TUT4: variants seen among roughly 807,000 people sequenced by gnomAD.
TUT4 encodes the protein terminal uridylyltransferase 4.
Under a neutral mutation model 192.2 loss-of-function variants are expected in TUT4, and 36 were observed. That is an observed-to-expected ratio of 0.19 (90% CI 0.14 to 0.25). TUT4 has a LOEUF of 0.25. Ranked by LOEUF, TUT4 falls within the 10% of genes least tolerant of loss-of-function variation. The pLI, the probability that TUT4 is intolerant of heterozygous loss-of-function variation, is 1.00. For missense variants in TUT4, 1,493 were observed against 1,957.2 expected (o/e 0.76, Z 4.47); for synonymous variants, 618 against 666.0 (o/e 0.93, Z 1.11).
chr1:52,530,513 T>C (rs1050959528), intron 1 of TUT4, among the ~76,000 whole-genome samples: 2 of 152,212 alleles, frequency 1.3e-5, no homozygotes, highest in Admixed American at 6.5e-5. Flanking sequence ...TTTGTAAAAG[T>C]ACAATTAAGT....
chr1:52,462,884 G>GT, intron 16 of TUT4: 1 of 985,168 alleles, frequency 1.0e-6, no homozygotes, highest in Non-Finnish European at 1.2e-6. Flanking sequence ...TAGCTGAAGG[G>GT]TATAAACATC....
At chr1:52,493,208 C>T (rs1671619993) in intron 7 of TUT4, among the ~76,000 whole-genome samples, 1 of 152,122 alleles carries the variant, frequency 6.6e-6, no homozygotes, top group Non-Finnish European at 1.5e-5. Context: ...CTCAGTCTCC[C>T]GAGTAGCTGG....
chr1:52,435,482 CAAAG>C lies in TUT4; in HGVS notation c.4163-21_4163-18del. 2 of 1,591,790 alleles carry C rather than the reference CAAAG, an allele frequency of 1.3e-6. No homozygotes were observed. The highest frequency in any genetic ancestry group is 1.7e-6 in the Non-Finnish European group (2 of 1,160,194). On this transcript the variant is annotated intron_variant, in intron 26 of 29. Coordinates refer to ENST00000257177, the MANE Select transcript of TUT4 (RefSeq NM_001009881.3). Reference sequence around the variant, plus strand: ...GCTGGGCTGCTAAGAGAAGGCATCACAAAGAAAATCAACAGATAAGGAAAGTAGC... The same window carrying C: ...GCTGGGCTGCTAAGAGAAGGCATCACAAAATCAACAGATAAGGAAAGTAGC...
intron 26 of TUT4, among the ~76,000 whole-genome samples, chr1:52,436,320 TAC>T (rs1653776966): frequency 6.6e-6 from 1 of 152,098 alleles, no homozygotes; most frequent in Non-Finnish European, 1.5e-5. Flanking sequence ...ACCATGTCTC[TAC>T]TAAAAGTCTA....
At chr1:52,496,018 A>C (rs1672355525) in intron 5 of TUT4, among the ~76,000 whole-genome samples, 1 of 152,140 alleles carries the variant, frequency 6.6e-6, no homozygotes, top group Non-Finnish European at 1.5e-5. Flanking sequence ...TTTATAGAAA[A>C]AAAAGAAAAG....
At chr1:52,454,886 T>C (rs773352126) in intron 20 of TUT4, among the ~76,000 whole-genome samples, 1 of 152,066 alleles carries the variant, frequency 6.6e-6, no homozygotes, top group Non-Finnish European at 1.5e-5. Context: ...AAATAACCTG[T>C]TTAAAAAAAT....
chr1:52,513,176 G>A (rs1221425756), intron 3 of TUT4, among the ~76,000 whole-genome samples: 1 of 148,572 alleles, frequency 6.7e-6, no homozygotes, highest in Non-Finnish European at 1.5e-5. Flanking sequence ...GCTCACACCT[G>A]TAAACTCAGC....
chr1:52,445,363 T>A (rs895127637), intron 24 of TUT4, among the ~76,000 whole-genome samples: 1 of 152,172 alleles, frequency 6.6e-6, no homozygotes, highest in Admixed American at 6.5e-5. Context: ...TTCGGTTTTG[T>A]CTTCTATGTG....
chr1:52,496,511 C>G (rs1422152520), intron 5 of TUT4, among the ~76,000 whole-genome samples: 1 of 151,966 alleles, frequency 6.6e-6, no homozygotes, highest in African/African-American at 2.4e-5. Flanking sequence ...TACTTTAACC[C>G]TATACTGATG....
intron 1 of TUT4, among the ~76,000 whole-genome samples, chr1:52,536,395 A>T (rs185384112): frequency 4.4e-4 from 67 of 152,312 alleles, no homozygotes; most frequent in African/African-American, 1.5e-3. Flanking sequence ...CAAAATCAAA[A>T]CAGGATTATA....
At chr1:52,486,563 G>A (rs1206116413) in intron 9 of TUT4, among the ~76,000 whole-genome samples, 2 of 151,758 alleles carry the variant, frequency 1.3e-5, no homozygotes, top group African/African-American at 4.8e-5. Flanking sequence ...GAAAAACAAA[G>A]CTATTTTAAA....
intron 1 of TUT4, among the ~76,000 whole-genome samples, chr1:52,547,717 T>C (rs1007864677): frequency 5.3e-5 from 8 of 152,160 alleles, no homozygotes; most frequent in Non-Finnish European, 1.2e-4. Context: ...CATGCTACAC[T>C]ATGGCCAACC....
chr1:52,435,586 A>C, intron 26 of TUT4, 121 bp from the exon 27 acceptor site: 2 of 753,996 alleles, frequency 2.7e-6, no homozygotes, highest in Non-Finnish European at 4.3e-6. Flanking sequence ...ATAAACTTGG[A>C]CTTTTAAACC....
intron 24 of TUT4, among the ~76,000 whole-genome samples, chr1:52,443,453 G>A (rs1270074009): frequency 6.6e-6 from 1 of 151,726 alleles, no homozygotes; most frequent in Non-Finnish European, 1.5e-5. Flanking sequence ...GCCAGGTGTG[G>A]TGGCGCGTGC....
At chr1:52,429,894 G>A (rs1570120187) in intron 28 of TUT4, among the ~76,000 whole-genome samples, 2 of 152,090 alleles carry the variant, frequency 1.3e-5, no homozygotes, top group East Asian at 3.9e-4. Flanking sequence ...GTGCCGGCCT[G>A]TGTATGTTTA....
At chr1:52,518,442 C>T (rs369245307) in intron 2 of TUT4, among the ~76,000 whole-genome samples, 1 of 152,194 alleles carries the variant, frequency 6.6e-6, no homozygotes, top group Non-Finnish European at 1.5e-5. Context: ...GTTCACATGG[C>T]CTTTCCTTAT....
chr1:52,430,093 A>C (rs995001416), intron 28 of TUT4, among the ~76,000 whole-genome samples: 1 of 152,048 alleles, frequency 6.6e-6, no homozygotes, highest in Non-Finnish European at 1.5e-5. Context: ...AGGAATTGAG[A>C]TGATAGATGA....
intron 9 of TUT4, among the ~76,000 whole-genome samples, chr1:52,484,489 C>T (rs913206845): frequency 3.3e-5 from 5 of 152,174 alleles, no homozygotes; most frequent in East Asian, 1.9e-4. Context: ...GACAACTATA[C>T]ACCTTCTAGG....
chr1:52,479,451 T>C (rs1457117445), intron 11 of TUT4, among the ~76,000 whole-genome samples: 2 of 151,802 alleles, frequency 1.3e-5, no homozygotes, highest in East Asian at 1.9e-4. Context: ...AAGGTAACAG[T>C]GGAGGTAGTG....
Sources: allele counts gnomAD v4.1 joint callset (sites outside exome capture counted in the v4.1 genomes callset), GRCh38; gene constraint gnomAD v4.1.1; transcripts MANE v1.5; gene names NCBI Gene and HGNC (gene_info 2026-07-23, HGNC 2026-07-21).